SRRM2: variants seen among roughly 807,000 people sequenced by gnomAD.
The protein encoded by SRRM2 is serine/arginine repetitive matrix protein 2.
In SRRM2, 30 loss-of-function variants were observed where a neutral mutation model predicts 213.8. The ratio of observed to expected loss-of-function variants is 0.14; its 90% CI spans 0.10 to 0.19. SRRM2 has a LOEUF of 0.19. Ranked by LOEUF, SRRM2 falls within the 10% of genes least tolerant of loss-of-function variation. The pLI, the probability that SRRM2 is intolerant of heterozygous loss-of-function variation, is 1.00. For synonymous variants in SRRM2, 2,025 were observed against 1,377.7 expected, an observed-to-expected ratio of 1.47 and a Z score of -10.40; for missense variants, 4,904 against 3,647.0, an observed-to-expected ratio of 1.34 and a Z score of -8.88.
chr16:2,771,280 G>A lies in SRRM2; in HGVS notation c.*413G>A. ...AAGGGGCAGGAGTTGGAATTAGTTG[G>A]TCCCTACTGTCCCCCATGAGGTTGT... On this transcript the variant is annotated 3_prime_UTR_variant, in exon 15 of 15. Coordinates refer to ENST00000301740, the MANE Select transcript of SRRM2 (RefSeq NM_016333.4). The A allele has an allele frequency of 2.4e-6, 2 of 842,356 alleles. No individual in the cohort carries two copies. Among genetic ancestry groups the A allele is most frequent in the Non-Finnish European group, 3.9e-6 (2 of 509,614 alleles). 52.2% of individuals were successfully genotyped at this position (842,356 alleles called of 1,614,324 possible). A position where few individuals can be genotyped will look rare whatever the true frequency, so the allele number is the denominator to read the frequency against.
In SRRM2 at chr16:2,771,090, T is replaced by TG. The variant is rs2068732030; in HGVS notation, c.*226dup. The TG allele has an allele frequency of 1.4e-5, 2 of 141,698 alleles. No homozygotes were observed. Among genetic ancestry groups the TG allele is most frequent in the Admixed American group, 1.2e-4 (1 of 8,208 alleles). 8.8% of individuals were successfully genotyped at this position (141,698 alleles called of 1,614,324 possible). Reference sequence around the variant, plus strand: ...TTCATGTGTTCTGGGGGGTTTGGGGTGGGAGGGAATGCAGATGGGAGTTGG... The same window carrying TG: ...TTCATGTGTTCTGGGGGGTTTGGGGTGGGGAGGGAATGCAGATGGGAGTTGG... On this transcript the variant is annotated 3_prime_UTR_variant, in exon 15 of 15. Coordinates refer to ENST00000301740, the MANE Select transcript of SRRM2 (RefSeq NM_016333.4).
chr16:2,760,011 G>A (rs1397855215), intron 9 of SRRM2: 6 of 552,098 alleles, frequency 1.1e-5, no homozygotes, highest in African/African-American at 9.4e-5. Flanking sequence ...GCTCAGAGGT[G>A]AGTTGTGAAT....
Position 2,770,984 on chromosome 16 carries a change from C to A in SRRM2, c.*117C>A. ...TGCTCTCCTTTGAACCTTGGCAGCC[C>A]TTGGATGGAGGGCTCCCTTTCCCTC... is the stretch of plus-strand genomic sequence containing the variant. On this transcript the variant is annotated 3_prime_UTR_variant, in exon 15 of 15. Transcript: ENST00000301740. 7.6e-7 allele frequency: 1 copy of A among 1,321,412 alleles called. No individual in the cohort carries two copies. 81.9% of individuals were successfully genotyped at this position (1,321,412 alleles called of 1,614,324 possible).
chr16:2,766,653 C>A lies in SRRM2; in HGVS notation c.6125C>A (p.Ser2042Tyr), dbSNP rs2068555134. ...SRTPLLPRKRSRSRSPLAIRR... is the reference protein window; with the variant it reads ...SRTPLLPRKRYRSRSPLAIRR... The stretch of plus-strand genomic sequence containing the variant: ...ACGCCACTGTTACCACGCAAACGTT[C>A]TCGAAGTCGCTCACCACTTGCTATC... The change falls in exon 11 of 15, where the codon TCT (serine) becomes TAT (tyrosine). Residue 2042 changes from serine to tyrosine, a missense_variant. Transcript: ENST00000301740. This position sits in a 1 kb window ranked among gnomAD's most constrained non-coding sequence, Gnocchi z 7.0. 1 of 1,613,652 alleles carries A rather than the reference C, an allele frequency of 6.2e-7. No individual in the cohort carries two copies. Among genetic ancestry groups the A allele is most frequent in the Non-Finnish European group, 8.5e-7 (1 of 1,179,900 alleles).
chr16:2,765,367 G>C lies in SRRM2; in HGVS notation c.4839G>C (p.Arg1613Ser). The C allele has an allele frequency of 6.2e-7, 1 of 1,614,144 alleles. No individual in the cohort carries two copies. The highest frequency in any genetic ancestry group is 1.7e-5 in the Admixed American group (1 of 60,006). Residue 1613 changes from arginine (R) to serine (S), a missense_variant, in exon 11 of 15, where the codon AGG becomes AGC. Physicochemically the swap from Arg to Ser is moderately radical, Grantham distance 110. Coordinates refer to ENST00000301740, the MANE Select transcript of SRRM2 (RefSeq NM_016333.4). ...AAGATAAGCCAAGAGCAGCACCCAG[G>C]GCACAGAGTGGTTCTGATTCCTCTC... ...EVKDKPRAAP[R>S]AQSGSDSSPE...
intron 12 of SRRM2, chr16:2,770,077 A>C (rs2068687874): frequency 1.5e-5 from 19 of 1,269,178 alleles, no homozygotes; most frequent in South Asian, 1.6e-5. Context: ...CCTGCTTCCC[A>C]CACACGGGGC....
In SRRM2 at chr16:2,763,748, C is replaced by T; in HGVS notation, c.3220C>T (p.Pro1074Ser). ...SPDHRSDTSS[P>S]EVRQSHSESP... ...AGACCACAGATCTGATACTTCAAGT[C>T]CAGAAGTGAGACAGAGTCATTCAGA... is the stretch of plus-strand genomic sequence containing the variant. Residue 1074 changes from proline to serine, a missense_variant, in exon 11 of 15, where the codon CCA (proline) becomes TCA (serine). Pro to Ser is a moderately conservative substitution (Grantham distance 74). Transcript: ENST00000301740. The T allele has an allele frequency of 3.1e-6, 5 of 1,614,168 alleles. No homozygotes were observed. Among genetic ancestry groups the T allele is most frequent in the Non-Finnish European group, 3.4e-6 (4 of 1,180,038 alleles).
In SRRM2 at chr16:2,757,903, G is replaced by A. The variant is rs370883248; in HGVS notation, c.473G>A (p.Arg158Gln). Residue 158 changes from arginine to glutamine, a missense_variant, in exon 4 of 15, where the codon CGA becomes CAA. By Grantham distance (43) the Arg-to-Gln change is conservative. Transcript: ENST00000301740. ...TCTTTTGATCCTCAGCGTCGTGCCC[G>A]AGAAGCTAAACAACCAGCTCCTGAG... ...GSSFDPQRRA[R>Q]EAKQPAPEPP... is the part of the protein sequence containing the mutation. The A allele has an allele frequency of 5.0e-5, 80 of 1,614,018 alleles. No individual in the cohort carries two copies. Among genetic ancestry groups the A allele is most frequent in the African/African-American group, 1.1e-4 (8 of 74,908 alleles).
chr16:2,761,882 G>C lies in SRRM2; in HGVS notation c.1354G>C (p.Glu452Gln). 1.2e-6 allele frequency: 2 copies of C among 1,612,486 alleles called. No individual in the cohort carries two copies. The highest frequency in any genetic ancestry group is 1.7e-6 in the Non-Finnish European group (2 of 1,180,028). ...TGCTCCAGCTCCAGGGTCCCACCGA[G>C]AGATTTCTTCTTCTCCCACATCTAA... The part of the protein sequence containing the change: ...KPAPAPGSHR[E>Q]ISSSPTSKNR... Residue 452 changes from glutamate to glutamine, a missense_variant, in exon 11 of 15, where the codon GAG becomes CAG. Physicochemically the swap from Glu to Gln is conservative, Grantham distance 29 (BLOSUM62 2). Coordinates refer to ENST00000301740, the MANE Select transcript of SRRM2 (RefSeq NM_016333.4).
In SRRM2 at chr16:2,767,025, A is replaced by C. The variant is rs1266629230; in HGVS notation, c.6497A>C (p.Asp2166Ala). 6.2e-7 allele frequency: 1 copy of C among 1,614,078 alleles called. No individual in the cohort carries two copies. Residue 2166 changes from aspartate (D) to alanine (A), a missense_variant, in exon 11 of 15, where the codon GAC becomes GCC. Asp to Ala is a moderately radical substitution (Grantham distance 126). Transcript: ENST00000301740. ...MMDGPGPRIP[D>A]HQRTSVPENH... is the part of the protein sequence containing the mutation. ...GATGGTCCAGGTCCCCGAATACCTG[A>C]CCACCAGAGAACATCTGTGCCAGAA...
At chr16:2,758,010 T>C (rs2068208500) in intron 4 of SRRM2, 65 bp downstream of exon 4, 1 of 1,543,190 alleles carries the variant, frequency 6.5e-7, no homozygotes, top group African/African-American at 1.4e-5. Context: ...GCTCTATTTT[T>C]GTCTTTTTGC....
chr16:2,769,226 G>A lies in SRRM2; in HGVS notation c.7963G>A (p.Gly2655Ser). The A allele has an allele frequency of 1.3e-6, 2 of 1,592,306 alleles. No homozygotes were observed. Among genetic ancestry groups the A allele is most frequent in the South Asian group, 2.3e-5 (2 of 85,776 alleles). ...SSSSPSPAKPGPQALPKPASP... is the reference protein window; with the variant it reads ...SSSSPSPAKPSPQALPKPASP... ...TTCCTCCCCTTCCCCTGCTAAGCCT[G>A]GCCCTCAGGCCTTGCCCAAACCTGC... The change falls in exon 12 of 15, where the codon GGC becomes AGC. Residue 2655 changes from glycine to serine, a missense_variant. By Grantham distance (56) the Gly-to-Ser change is moderately conservative (BLOSUM62 0). Transcript: ENST00000301740.
rs1039936934 is a variant in SRRM2, at chr16:2,766,004, G to A, written c.5476G>A (p.Ala1826Thr). ...CTCTGGTTATCACTCAAGGTCACCT[G>A]CCCGGCAGGAAAGTTCCCGGACCTC... ...GGSGYHSRSP[A>T]RQESSRTSSR... Residue 1826 changes from alanine to threonine, a missense_variant, in exon 11 of 15, where the codon GCC becomes ACC. Coordinates refer to ENST00000301740, the MANE Select transcript of SRRM2 (RefSeq NM_016333.4). This position sits in a 1 kb window ranked among gnomAD's most constrained non-coding sequence, Gnocchi z 7.0. The A allele has an allele frequency of 1.9e-6, 3 of 1,614,094 alleles. No individual in the cohort carries two copies. The highest frequency in any genetic ancestry group is 1.3e-5 in the African/African-American group (1 of 75,018).
At position 2,763,712 on chromosome 16, in the gene SRRM2, C is replaced by G; in HGVS notation, c.3184C>G (p.Gln1062Glu). 1 of 1,614,190 alleles carries G rather than the reference C, an allele frequency of 6.2e-7. No homozygotes were observed. Among genetic ancestry groups the G allele is most frequent in the Non-Finnish European group, 8.5e-7 (1 of 1,180,036 alleles). The change falls in exon 11 of 15, where the codon CAA becomes GAA. Residue 1062 changes from glutamine (Q) to glutamate (E), a missense_variant. By Grantham distance (29) the Gln-to-Glu change is conservative. Transcript: ENST00000301740. ...VSSLQLKGQS[Q>E]TSPDHRSDTS... Reference sequence around the variant, plus strand: ...ATCTCTGCAACTGAAAGGACAATCTCAAACTTCACCAGACCACAGATCTGA... The same window carrying G: ...ATCTCTGCAACTGAAAGGACAATCTGAAACTTCACCAGACCACAGATCTGA...
intron 2 of SRRM2, among the ~76,000 whole-genome samples, 200 bp downstream of exon 2, chr16:2,756,806 G>C (rs1798143086): frequency 6.6e-6 from 1 of 152,126 alleles, no homozygotes; most frequent in African/African-American, 2.4e-5. Context: ...TGTGTCTGGG[G>C]CATAGATGGG....
At position 2,760,438 on chromosome 16, in the gene SRRM2, CGGA is replaced by C; in HGVS notation, c.973_975del (p.Glu325del). 1 of 1,614,022 alleles carries C rather than the reference CGGA, an allele frequency of 6.2e-7. No individual in the cohort carries two copies. The highest frequency in any genetic ancestry group is 8.5e-7 in the Non-Finnish European group (1 of 1,180,022). On this transcript the variant is annotated inframe_deletion, in exon 10 of 15. Transcript: ENST00000301740. ...ACCAGCACACAACGGCCTAGTAGCC[CGGA>C]GACTGCTACGAAACAGCCTAGCAGC... is the stretch of plus-strand genomic sequence containing the variant.
At chr16:2,760,697 A>G (rs1331212168) in intron 10 of SRRM2, 198 bp downstream of exon 10, 1 of 599,700 alleles carries the variant, frequency 1.7e-6, no homozygotes, top group East Asian at 2.9e-5. Context: ...ACCCTTTAGA[A>G]TCAAATCTCA....
At position 2,763,452 on chromosome 16, in the gene SRRM2, C is replaced by T; in HGVS notation, c.2924C>T (p.Pro975Leu). The T allele has an allele frequency of 2.5e-6, 4 of 1,614,194 alleles. 1 individual carries two copies. The South Asian group carries it at 4.4e-5, about 18-fold the overall frequency. ...TACAGTCATTCTGGGTCCTCCTCAC[C>T]AGATACCAAAGTGAAACCTGAAACA... ...PRYSHSGSSS[P>L]DTKVKPETPP... is the part of the protein sequence containing the mutation. The change falls in exon 11 of 15, where the codon CCA (proline) becomes CTA (leucine). Residue 975 changes from proline to leucine, a missense_variant. Coordinates refer to ENST00000301740, the MANE Select transcript of SRRM2 (RefSeq NM_016333.4).
Position 2,769,200 on chromosome 16 carries a change from C to T in SRRM2, c.7937C>T (p.Ser2646Phe). ...SSSSSSSSSS[S>F]SSPSPAKPGP... is the part of the protein sequence containing the mutation. ...TCCTCATCTTCCTCCTCCTCGTCGTCTTCCTCCCCTTCCCCTGCTAAGCCT... is the reference window on the plus strand; with the variant it reads ...TCCTCATCTTCCTCCTCCTCGTCGTTTTCCTCCCCTTCCCCTGCTAAGCCT... The change falls in exon 12 of 15, where the codon TCT becomes TTT. Residue 2646 changes from serine (S) to phenylalanine (F), a missense_variant. Physicochemically the swap from Ser to Phe is radical, Grantham distance 155. Transcript: ENST00000301740. The T allele has an allele frequency of 1.2e-6, 2 of 1,606,242 alleles. No individual in the cohort carries two copies. Among genetic ancestry groups the T allele is most frequent in the Non-Finnish European group, 1.7e-6 (2 of 1,176,466 alleles).
Sources: gnomAD v4.1 joint callset for allele counts (sites outside exome capture counted in the v4.1 genomes callset) on GRCh38, gnomAD v4.1.1 for gene constraint, Gnocchi (gnomAD v3.1) non-coding constraint, MANE v1.5 for transcripts, NCBI Gene and HGNC (gene_info 2026-07-23, HGNC 2026-07-21) for gene names.